Variants in TRAPPC2 observed in about 807,000 individuals in gnomAD.
The protein encoded by TRAPPC2 is sedlin.
In TRAPPC2, 4 loss-of-function variants were observed where a neutral mutation model predicts 10.0. The ratio of observed to expected loss-of-function variants is 0.40; its 90% confidence interval spans 0.20 to 0.92. TRAPPC2 has a LOEUF of 0.92. TRAPPC2 is among the 40% of genes least tolerant of loss of function. TRAPPC2 has a pLI of 0.35. For synonymous variants in TRAPPC2, 36 were observed against 37.3 expected, an observed-to-expected ratio of 0.97 and a Z score of 0.12; for missense variants, 52 against 108.7, an observed-to-expected ratio of 0.48 and a Z score of 2.32.
chrX:13,714,813 ATTAAT>A (rs2046261503), intron 5 of TRAPPC2, among the ~76,000 whole-genome samples: 1 of 112,032 alleles, frequency 8.9e-6, no homozygotes, highest in Non-Finnish European at 1.9e-5. Context: ...AAATAAATGG[ATTAAT>A]CTCTATGGCC....
intron 5 of TRAPPC2, among the ~76,000 whole-genome samples, chrX:13,715,210 C>T (rs753360187): frequency 5.4e-4 from 61 of 113,107 alleles, no homozygotes; most frequent in Admixed American, 4.2e-3. Flanking sequence ...TGGTGGCTCA[C>T]GCCTGTAATC....
intron 3 of TRAPPC2, among the ~76,000 whole-genome samples, chrX:13,719,266 T>G (rs1157653302): frequency 2.7e-5 from 3 of 110,618 alleles, no homozygotes; most frequent in Non-Finnish European, 5.7e-5. Flanking sequence ...AAAAATACTC[T>G]ATGGGTCTGA....
At chrX:13,732,483 G>A (rs1192814352) in intron 2 of TRAPPC2, among the ~76,000 whole-genome samples, 1 of 112,981 alleles carries the variant, frequency 8.9e-6, no homozygotes, top group Non-Finnish European at 1.9e-5. Context: ...TGACTGCCAG[G>A]AACTGGCGCT....
intron 2 of TRAPPC2, among the ~76,000 whole-genome samples, chrX:13,733,143 ATT>A (rs76965829): frequency 1.9e-5 from 2 of 105,957 alleles, no homozygotes; most frequent in African/African-American, 6.8e-5. Flanking sequence ...CTTCAGGAAC[ATT>A]TTTTTTTTTT....
intron 2 of TRAPPC2, among the ~76,000 whole-genome samples, chrX:13,725,542 C>A: frequency 8.9e-6 from 1 of 112,523 alleles, no homozygotes; most frequent in East Asian, 2.8e-4. Flanking sequence ...AACTAACAAA[C>A]AGAAAGGAAT....
chrX:13,721,042 A>C (rs1242819511), intron 2 of TRAPPC2: 6 of 109,564 alleles, frequency 5.5e-5, no homozygotes, highest in Non-Finnish European at 1.1e-4. Flanking sequence ...AAAAAAAAAA[A>C]CAGATTGGCA....
intron 5 of TRAPPC2, among the ~76,000 whole-genome samples, 159 bp from the exon 6 acceptor site, chrX:13,714,664 T>C (rs1167837585): frequency 8.9e-6 from 1 of 112,753 alleles, no homozygotes; most frequent in Non-Finnish European, 1.9e-5. Flanking sequence ...GTTAATAACA[T>C]CCTCTTAAGG....
chrX:13,732,423 G>T (rs1390876103), intron 2 of TRAPPC2, among the ~76,000 whole-genome samples: 1 of 112,739 alleles, frequency 8.9e-6, no homozygotes, highest in African/African-American at 3.2e-5. Context: ...GACTTGGCTA[G>T]GGATGGCAAA....
intron 2 of TRAPPC2, among the ~76,000 whole-genome samples, chrX:13,732,937 G>A (rs2146886345): frequency 8.9e-6 from 1 of 112,677 alleles, no homozygotes; most frequent in African/African-American, 3.2e-5. Context: ...AACTGGTATG[G>A]CATGGGACAT....
At chrX:13,729,763 C>T (rs2046633534) in intron 2 of TRAPPC2, among the ~76,000 whole-genome samples, 1 of 111,056 alleles carries the variant, frequency 9.0e-6, no homozygotes, top group Non-Finnish European at 1.9e-5. Context: ...ACAAACTTAG[C>T]CGGGCGTGGT....
chrX:13,731,718 A>T (rs1426149762), intron 2 of TRAPPC2, among the ~76,000 whole-genome samples: 2 of 111,808 alleles, frequency 1.8e-5, no homozygotes, highest in Non-Finnish European at 3.8e-5. Flanking sequence ...GAGTGTCAAT[A>T]CTCGGAGAAC....
At chrX:13,718,337 A>G (rs1396805510) in intron 3 of TRAPPC2, among the ~76,000 whole-genome samples, 5 of 113,133 alleles carry the variant, frequency 4.4e-5, no homozygotes, top group African/African-American at 1.6e-4. Flanking sequence ...ATCCTTAGAG[A>G]AATGGATGTT....
intron 2 of TRAPPC2, among the ~76,000 whole-genome samples, chrX:13,729,838 G>T (rs1237693237): frequency 8.9e-6 from 1 of 111,976 alleles, no homozygotes; most frequent in Middle Eastern, 4.2e-3. Flanking sequence ...AATCCAAGAG[G>T]TGGAGGTTGC....
chrX:13,727,984 A>G (rs1183308206), intron 2 of TRAPPC2, among the ~76,000 whole-genome samples: 1 of 112,240 alleles, frequency 8.9e-6, no homozygotes, highest in Non-Finnish European at 1.9e-5. Context: ...CTACGCAAAT[A>G]AACTGGAAAA....
intron 2 of TRAPPC2, among the ~76,000 whole-genome samples, chrX:13,732,919 T>G (rs929091079): frequency 3.5e-5 from 4 of 112,740 alleles, no homozygotes; most frequent in African/African-American, 1.3e-4. Context: ...CCTGGGGTCA[T>G]GAGACTAAAC....
At chrX:13,729,296 T>C (rs1338817807) in intron 2 of TRAPPC2, among the ~76,000 whole-genome samples, 1 of 111,536 alleles carries the variant, frequency 9.0e-6, no homozygotes, top group Non-Finnish European at 1.9e-5. Flanking sequence ...GCCAAGACAA[T>C]CCTCAGCCAA....
intron 2 of TRAPPC2, among the ~76,000 whole-genome samples, chrX:13,733,069 T>C (rs1343104659): frequency 8.9e-6 from 1 of 112,054 alleles, no homozygotes; most frequent in Non-Finnish European, 1.9e-5. Context: ...TTGGAGAACA[T>C]TTTATCTAAT....
intron 3 of TRAPPC2, 78 bp downstream of exon 3, chrX:13,719,793 A>T: frequency 1.3e-6 from 1 of 751,682 alleles, no homozygotes; most frequent in Non-Finnish European, 1.9e-6. Context: ...GATTTCAGTT[A>T]CCTTATCTGT....
chrX:13,730,470 G>T (rs1294737250), intron 2 of TRAPPC2, among the ~76,000 whole-genome samples: 1 of 112,025 alleles, frequency 8.9e-6, no homozygotes, highest in African/African-American at 3.2e-5. Context: ...CTGTTGGTGG[G>T]AGTGTAAATT....
Sources: gnomAD v4.1 joint callset for allele counts (sites outside exome capture counted in the v4.1 genomes callset) on GRCh38, gnomAD v4.1.1 for gene constraint, MANE v1.5 for transcripts, NCBI Gene and HGNC (gene_info 2026-07-23, HGNC 2026-07-21) for gene names.